PRKN: variants seen among roughly 807,000 people sequenced by gnomAD.
PRKN encodes the protein E3 ubiquitin-protein ligase parkin.
A neutral mutation model predicts 59.5 loss-of-function variants in PRKN; 56 were observed. The ratio of observed to expected loss-of-function variants is 0.94; its 90% confidence interval spans 0.76 to 1.18. The LOEUF (loss-of-function observed/expected upper bound fraction) is 1.18, where lower values mean the gene tolerates loss of function less well. Among genes scored for constraint, PRKN ranks in the 50% most tolerant of loss-of-function variants. PRKN has a pLI of 0.00. For synonymous variants in PRKN, 250 were observed against 222.1 expected (o/e 1.13, Z -1.12); for missense variants, 657 against 596.4 (o/e 1.10, Z -1.06).
rs76360210 is a variant in PRKN, at chr6:161,997,884, C to A, written c.619-24467G>T. ...CTGGTTATATATAAGCCCATCTGTG[C>A]AAAAATGGCCAAAAGCCCTCTCGTA... On this transcript the variant is annotated intron_variant, in intron 5 of 11. Coordinates refer to ENST00000366898, the MANE Select transcript of PRKN (RefSeq NM_004562.3). 7.8e-3 allele frequency among the ~76,000 whole-genome samples: 1,181 copies of A among 152,066 alleles called. 19 individuals are homozygous for A. Among genetic ancestry groups the A allele is most frequent in the African/African-American group, 0.027 (1,119 of 41,454 alleles).
intron 6 of PRKN, among the ~76,000 whole-genome samples, chr6:161,917,727 G>T (rs1405573555): frequency 6.6e-6 from 1 of 152,202 alleles, no homozygotes; most frequent in Non-Finnish European, 1.5e-5. Flanking sequence ...GCAATATTCA[G>T]AGTCCAAATA....
intron 6 of PRKN, among the ~76,000 whole-genome samples, chr6:161,928,684 C>T (rs1779058143): frequency 6.6e-6 from 1 of 152,162 alleles, no homozygotes; most frequent in Non-Finnish European, 1.5e-5. Flanking sequence ...ATTACAACAG[C>T]TGACCTAGTG....
chr6:162,621,151 G>A (rs1481991170), intron 1 of PRKN, among the ~76,000 whole-genome samples: 7 of 152,072 alleles, frequency 4.6e-5, no homozygotes, highest in Non-Finnish European at 7.3e-5. Flanking sequence ...TCTGTCTATT[G>A]ATGCCTATGG....
At chr6:162,380,837 T>C (rs1241775842) in intron 2 of PRKN, among the ~76,000 whole-genome samples, 2 of 151,966 alleles carry the variant, frequency 1.3e-5, no homozygotes, top group Non-Finnish European at 2.9e-5. Context: ...AGCACATAAA[T>C]AAGGAAGTAA....
In PRKN at chr6:161,561,879, C is replaced by T. The variant is rs1389312336; in HGVS notation, c.933+7476G>A. On this transcript the variant is annotated intron_variant, in intron 8 of 11. Coordinates refer to ENST00000366898, the MANE Select transcript of PRKN (RefSeq NM_004562.3). The surrounding 1 kb of genome is among the most constrained non-coding windows in gnomAD (Gnocchi z 5.0). Reference sequence around the variant, plus strand: ...CCTCCCCTTCTGTTCACTCTTCATCCCATAAAACTCTGGCTCCTGTCTTTA... The same window carrying T: ...CCTCCCCTTCTGTTCACTCTTCATCTCATAAAACTCTGGCTCCTGTCTTTA... Among the ~76,000 whole-genome samples, 5 of 152,158 alleles carry T rather than the reference C, an allele frequency of 3.3e-5. No individual in the cohort carries two copies. Among genetic ancestry groups the T allele is most frequent in the South Asian group, 2.1e-4 (1 of 4,830 alleles).
At chr6:161,368,382 G>GATACATATAT (rs1554253575) in intron 10 of PRKN, among the ~76,000 whole-genome samples, 1 of 99,328 alleles carries the variant, frequency 1.0e-5, no homozygotes, top group African/African-American at 4.0e-5. Context: ...CCTCAGTCTT[G>GATACATATAT]ATATATATAT....
intron 6 of PRKN, among the ~76,000 whole-genome samples, chr6:161,818,622 C>A (rs1052048891): frequency 4.6e-5 from 7 of 152,062 alleles, no homozygotes; most frequent in Non-Finnish European, 2.9e-5. Flanking sequence ...TGTGAGCCAC[C>A]GTGCCCAGCC....
chr6:162,274,783 G>C (rs1371758681), intron 2 of PRKN, among the ~76,000 whole-genome samples: 6 of 151,942 alleles, frequency 3.9e-5, no homozygotes, highest in Non-Finnish European at 7.4e-5. Flanking sequence ...CCTTATTATA[G>C]AAAATTTTAT....
At chr6:162,093,738 G>A (rs1779609756) in intron 4 of PRKN, among the ~76,000 whole-genome samples, 1 of 152,020 alleles carries the variant, frequency 6.6e-6, no homozygotes, top group African/African-American at 2.4e-5. Context: ...AGCACCGCAG[G>A]CATTTGCTTT....
At chr6:161,464,811 G>A (rs535335518) in intron 9 of PRKN, among the ~76,000 whole-genome samples, 1 of 152,242 alleles carries the variant, frequency 6.6e-6, no homozygotes, top group East Asian at 1.9e-4. Flanking sequence ...CCAGTGAAAC[G>A]AATTAGTCAA....
chr6:161,439,002 C>T (rs1789061519), intron 9 of PRKN, among the ~76,000 whole-genome samples: 1 of 151,890 alleles, frequency 6.6e-6, no homozygotes, highest in Non-Finnish European at 1.5e-5. Context: ...TAGGCTATCT[C>T]AAGCTGATTG....
chr6:162,080,525 T>C (rs532200987), intron 4 of PRKN, among the ~76,000 whole-genome samples: 16 of 152,308 alleles, frequency 1.1e-4, no homozygotes, highest in Middle Eastern at 3.4e-3. Flanking sequence ...GCTTGCACTA[T>C]ACTGTAGTTT....
rs1351787728 is a variant in PRKN at position 161,386,722 on chromosome 6, C to T, written c.1167+72G>A. 1.7e-6 allele frequency: 2 copies of T among 1,179,500 alleles called. No individual in the cohort carries two copies. Among genetic ancestry groups the T allele is most frequent in the Admixed American group, 1.7e-5 (1 of 59,470 alleles). 73.1% of individuals were successfully genotyped at this position (1,179,500 alleles called of 1,614,324 possible). On this transcript the variant is annotated intron_variant, in intron 10 of 11. Coordinates refer to ENST00000366898, the MANE Select transcript of PRKN (RefSeq NM_004562.3). This position sits in a 1 kb window ranked among gnomAD's most constrained non-coding sequence, Gnocchi z 4.3. ...TTTTTAGAATGGAACTCTCCATGACCTCCAGGAAACGGCTCCAGTCCCCCA... is the reference window on the plus strand; with the variant it reads ...TTTTTAGAATGGAACTCTCCATGACTTCCAGGAAACGGCTCCAGTCCCCCA...
chr6:161,644,476 GAC>G (rs976967945), intron 7 of PRKN, among the ~76,000 whole-genome samples: 2 of 152,240 alleles, frequency 1.3e-5, no homozygotes, highest in African/African-American at 4.8e-5. Context: ...AGAGGTGGTA[GAC>G]ACGTGGATTT....
At chr6:161,420,239 CAA>C (rs529929769) in intron 9 of PRKN, among the ~76,000 whole-genome samples, 51 of 73,124 alleles carry the variant, frequency 7.0e-4, no homozygotes, top group Admixed American at 4.5e-3. Context: ...GACTATGTCT[CAA>C]AAAAAAAAAA....
intron 2 of PRKN, among the ~76,000 whole-genome samples, chr6:162,343,460 T>C (rs1240361787): frequency 6.6e-6 from 1 of 152,172 alleles, no homozygotes; most frequent in Non-Finnish European, 1.5e-5. Context: ...AACAGCAAGT[T>C]GCATTGCTAT....
chr6:161,792,529 G>C (rs990556307), intron 6 of PRKN, among the ~76,000 whole-genome samples: 2 of 152,232 alleles, frequency 1.3e-5, no homozygotes, highest in Non-Finnish European at 2.9e-5. Context: ...AGCAGCATCT[G>C]AAATGCAATG....
chr6:161,437,273 A>G (rs916585800), intron 9 of PRKN, among the ~76,000 whole-genome samples: 6 of 152,142 alleles, frequency 3.9e-5, no homozygotes, highest in African/African-American at 1.4e-4. Context: ...TAGCTCTGCT[A>G]TCCCAGATGG....
Position 161,502,643 on chromosome 6 carries a change from G to A in PRKN, c.1083+46211C>T, listed in dbSNP as rs769037002. Among the ~76,000 whole-genome samples the A allele has an allele frequency of 9.9e-5, 15 of 152,128 alleles. No homozygotes were observed. The highest frequency in any genetic ancestry group is 1.9e-4 in the Non-Finnish European group (13 of 68,022). On this transcript the variant is annotated intron_variant, in intron 9 of 11. Transcript: ENST00000366898. The surrounding 1 kb of genome is among the most constrained non-coding windows in gnomAD (Gnocchi z 4.0). ...AACAAGCAGGGAAGAGAGAAATGGG[G>A]GATTTGGGAGTAGCAACCTCTGGAG...
Sources: allele counts gnomAD v4.1 joint callset (sites outside exome capture counted in the v4.1 genomes callset), GRCh38; gene constraint gnomAD v4.1.1; non-coding constraint Gnocchi (gnomAD v3.1); transcripts MANE v1.5; gene names NCBI Gene and HGNC (gene_info 2026-07-23, HGNC 2026-07-21).